VAC14: variants seen among roughly 807,000 people sequenced by gnomAD.
VAC14 encodes VAC14 component of PIKFYVE complex.
A neutral mutation model predicts 85.3 loss-of-function variants in VAC14; 47 were observed. The observed-to-expected ratio is 0.55, with a 90% CI of 0.44 to 0.70. The LOEUF (loss-of-function observed/expected upper bound fraction) is 0.70, where lower values mean the gene tolerates loss of function less well. Ranked by LOEUF, VAC14 falls within the 30% of genes least tolerant of loss-of-function variation. VAC14 has a pLI of 0.00. For missense variants in VAC14, 861 were observed against 1,004.3 expected, an observed-to-expected ratio of 0.86 and a Z score of 1.93; for synonymous variants, 447 against 430.5, an observed-to-expected ratio of 1.04 and a Z score of -0.47.
intron 18 of VAC14, chr16:70,691,747 CAG>C: frequency 3.0e-6 from 3 of 985,426 alleles, no homozygotes; most frequent in Non-Finnish European, 3.6e-6. Context: ...TGGCCTGGGG[CAG>C]AGAGCCTATC....
chr16:70,781,090 T>TGGGGAGGG, intron 8 of VAC14, 151 bp from the exon 9 acceptor site: 1 of 1,068,148 alleles, frequency 9.4e-7, no homozygotes, highest in Non-Finnish European at 1.4e-6. Flanking sequence ...CTTGGTGCCC[T>TGGGGAGGG]CCCCATGGTA....
intron 18 of VAC14, chr16:70,691,699 G>A: frequency 1.0e-6 from 1 of 985,438 alleles, no homozygotes; most frequent in Non-Finnish European, 1.2e-6. Flanking sequence ...GCCGGTCTTG[G>A]TTGGGGCCAC....
intron 9 of VAC14, among the ~76,000 whole-genome samples, chr16:70,780,489 T>C (rs1285215422): frequency 1.3e-5 from 2 of 152,162 alleles, no homozygotes; most frequent in Non-Finnish European, 2.9e-5. Flanking sequence ...AAAGGCTTCA[T>C]GGTCTTTGAG....
intron 14 of VAC14, among the ~76,000 whole-genome samples, chr16:70,724,780 A>G (rs569347954): frequency 6.6e-6 from 1 of 152,330 alleles, no homozygotes; most frequent in South Asian, 2.1e-4. Context: ...CAGCAAGAAG[A>G]GAAGCTTCTG....
chr16:70,756,835 C>T (rs2031907173), intron 12 of VAC14, among the ~76,000 whole-genome samples: 1 of 152,200 alleles, frequency 6.6e-6, no homozygotes, highest in Non-Finnish European at 1.5e-5. Context: ...TGCCCCCTAC[C>T]ATCCTTTCCT....
intron 1 of VAC14, among the ~76,000 whole-genome samples, chr16:70,789,481 T>C (rs995644076): frequency 3.3e-5 from 5 of 152,008 alleles, no homozygotes; most frequent in Admixed American, 3.3e-4. Context: ...TAAAGGGAGG[T>C]GCGCACACAG....
chr16:70,754,884 A>C (rs2031703231), intron 12 of VAC14, among the ~76,000 whole-genome samples: 1 of 152,196 alleles, frequency 6.6e-6, no homozygotes, highest in Non-Finnish European at 1.5e-5. Flanking sequence ...GAATCTGAGG[A>C]GGAAAAACAA....
intron 1 of VAC14, 79 bp downstream of exon 1, chr16:70,800,718 G>C: frequency 7.8e-7 from 1 of 1,274,338 alleles, no homozygotes; most frequent in Non-Finnish European, 1.1e-6. Context: ...AACCCTGGCT[G>C]GGAAGGCGTG....
chr16:70,772,064 G>C, intron 10 of VAC14, 45 bp downstream of exon 10: 1 of 1,589,476 alleles, frequency 6.3e-7, no homozygotes, highest in Non-Finnish European at 8.6e-7. Flanking sequence ...AAAGATCTAG[G>C]CCGCTCGCTT....
intron 13 of VAC14, among the ~76,000 whole-genome samples, chr16:70,739,076 C>T (rs1160075530): frequency 6.6e-6 from 1 of 152,214 alleles, no homozygotes; most frequent in African/African-American, 2.4e-5. Context: ...AAGCAAAGGC[C>T]CCCTTCACAT....
At chr16:70,793,882 TA>T (rs1249479271) in intron 1 of VAC14, among the ~76,000 whole-genome samples, 2 of 152,208 alleles carry the variant, frequency 1.3e-5, no homozygotes, top group Admixed American at 6.5e-5. Context: ...GCTCATTCCA[TA>T]AATGTTGGCT....
chr16:70,736,236 A>C (rs891608699), intron 13 of VAC14, among the ~76,000 whole-genome samples: 2 of 152,164 alleles, frequency 1.3e-5, no homozygotes, highest in Non-Finnish European at 2.9e-5. Context: ...AAATGAGATA[A>C]AAACATGTAA....
rs2031156021 is a variant in VAC14, at chr16:70,748,998, A to C, written c.1372-4419T>G. Among the ~76,000 whole-genome samples the C allele has an allele frequency of 3.3e-5, 5 of 152,356 alleles. No homozygotes were observed. The South Asian group carries it at 1.0e-3, about 32-fold the overall frequency. Reference sequence around the variant, plus strand: ...CAAAAAAGAGCTCATGACACAAAGAAGTCTGAACTTCATTTTGCAGAGGAT... The same window carrying C: ...CAAAAAAGAGCTCATGACACAAAGACGTCTGAACTTCATTTTGCAGAGGAT... On this transcript the variant is annotated intron_variant, in intron 12 of 18. Transcript: ENST00000261776.
chr16:70,687,940 C>G lies in VAC14; in HGVS notation c.2337G>C (p.Arg779Ser). Reference protein sequence around the residue: ...RSGRGDHLDRRVVL With the variant: ...RSGRGDHLDRSVVL ...CGTGCCAGGCCTGTCAGAGGACAACCCTCCGGTCCAGGTGGTCCCCACGCC... is the reference window on the plus strand; with the variant it reads ...CGTGCCAGGCCTGTCAGAGGACAACGCTCCGGTCCAGGTGGTCCCCACGCC... Residue 779 changes from arginine (R) to serine (S), a missense_variant, in exon 19 of 19, where the codon AGG becomes AGC. By Grantham distance (110) the Arg-to-Ser change is moderately radical. Around this residue, in one of 3 missense-constraint regions of VAC14, gnomAD observed 163 missense variants for 162.2 expected, o/e 1.00. Transcript: ENST00000261776. 1 of 1,558,638 alleles carries G rather than the reference C, an allele frequency of 6.4e-7. No homozygotes were observed. Among genetic ancestry groups the G allele is most frequent in the Non-Finnish European group, 8.7e-7 (1 of 1,148,282 alleles).
chr16:70,727,023 G>C lies in VAC14; in HGVS notation c.1661+4472C>G, dbSNP rs1326385712. Among the ~76,000 whole-genome samples the C allele has an allele frequency of 2.0e-5, 3 of 152,158 alleles. No individual in the cohort carries two copies. In the East Asian group the frequency reaches 5.8e-4, roughly 29 times the overall value. On this transcript the variant is annotated intron_variant, in intron 14 of 18. Coordinates refer to ENST00000261776, the MANE Select transcript of VAC14 (RefSeq NM_018052.5). The stretch of plus-strand genomic sequence containing the variant: ...CTCCCAGGGTCTTTAGGGAAATCAT[G>C]CATCTTCCTCAATGCCAAGAACCCC...
intron 8 of VAC14, 85 bp downstream of exon 8, chr16:70,781,784 G>T: frequency 6.5e-7 from 1 of 1,533,444 alleles, no homozygotes; most frequent in Non-Finnish European, 8.9e-7. Flanking sequence ...TCCTAAGAGA[G>T]CCCCCAGCCC....
intron 12 of VAC14, among the ~76,000 whole-genome samples, chr16:70,750,060 G>C (rs1410966213): frequency 6.6e-6 from 1 of 152,214 alleles, no homozygotes; most frequent in African/African-American, 2.4e-5. Flanking sequence ...TGGTGTATAG[G>C]TAGAAACCTC....
intron 12 of VAC14, among the ~76,000 whole-genome samples, chr16:70,760,420 A>C (rs1465758627): frequency 6.6e-6 from 1 of 152,176 alleles, no homozygotes; most frequent in African/African-American, 2.4e-5. Flanking sequence ...AGCAGGGGAC[A>C]CTTAGGAATG....
At chr16:70,756,600 G>A (rs1056454710) in intron 12 of VAC14, among the ~76,000 whole-genome samples, 17 of 152,110 alleles carry the variant, frequency 1.1e-4, no homozygotes, top group African/African-American at 4.1e-4. Flanking sequence ...GCCCCTCAAG[G>A]CGCCCCATTC....
Sources: allele counts gnomAD v4.1 joint callset (sites outside exome capture counted in the v4.1 genomes callset), GRCh38; gene constraint gnomAD v4.1.1; regional missense constraint gnomAD v4.1.1; transcripts MANE v1.5; gene names NCBI Gene and HGNC (gene_info 2026-07-23, HGNC 2026-07-21).